RASGRF1: variants seen among roughly 807,000 people sequenced by gnomAD.
The protein encoded by RASGRF1 is ras-specific guanine nucleotide-releasing factor 1.
RASGRF1 carries 40 observed loss-of-function variants against 138.7 expected under a neutral mutation model. The ratio of observed to expected loss-of-function variants is 0.29; its 90% CI spans 0.22 to 0.38. RASGRF1 has a LOEUF of 0.38. RASGRF1 is among the 10% of genes least tolerant of loss of function. The pLI is 1.00. For synonymous variants in RASGRF1, 614 were observed against 663.2 expected, an observed-to-expected ratio of 0.93 and a Z score of 1.14; for missense variants, 1,108 against 1,650.4, an observed-to-expected ratio of 0.67 and a Z score of 5.69.
intron 13 of RASGRF1, chr15:79,012,522 GTCC>G (rs770637012): frequency 1.2e-6 from 2 of 1,613,688 alleles, no homozygotes; most frequent in Non-Finnish European, 1.7e-6. Flanking sequence ...CCCCTCCCTG[GTCC>G]TCCTGTGAAG....
At chr15:79,005,626 C>T (rs1220029100) in intron 14 of RASGRF1, 3 of 990,466 alleles carry the variant, frequency 3.0e-6, no homozygotes, top group East Asian at 2.2e-4. Context: ...GGCCTGCACT[C>T]CTTATGTTGA....
chr15:79,065,731 C>T (rs534789095), intron 1 of RASGRF1, among the ~76,000 whole-genome samples: 8 of 152,152 alleles, frequency 5.3e-5, no homozygotes, highest in East Asian at 3.9e-4. Context: ...GGATGCACCA[C>T]GGGCCAGCCA....
At chr15:79,082,413 ACCAGCCCAGGT>A (rs1394153920) in intron 1 of RASGRF1, among the ~76,000 whole-genome samples, 4 of 152,204 alleles carry the variant, frequency 2.6e-5, no homozygotes, top group Non-Finnish European at 5.9e-5. Context: ...CCAAGCCTCT[ACCAGCCCAGGT>A]CCCTGAGTGA....
chr15:79,082,620 C>T (rs1253223091), intron 1 of RASGRF1, among the ~76,000 whole-genome samples: 4 of 152,186 alleles, frequency 2.6e-5, no homozygotes, highest in African/African-American at 9.7e-5. Flanking sequence ...GTGATGCCAA[C>T]CTGGACCACA....
At chr15:79,016,602 T>C (rs562675125) in intron 12 of RASGRF1, among the ~76,000 whole-genome samples, 2 of 152,264 alleles carry the variant, frequency 1.3e-5, no homozygotes, top group African/African-American at 2.4e-5. Flanking sequence ...TGCGGCTCAC[T>C]GGGGATGTGA....
intron 22 of RASGRF1, among the ~76,000 whole-genome samples, chr15:78,989,156 C>T (rs1037215618): frequency 6.6e-6 from 1 of 152,134 alleles, no homozygotes; most frequent in African/African-American, 2.4e-5. Context: ...ACCTGTCTGC[C>T]CCCCAGTTCT....
intron 12 of RASGRF1, 141 bp downstream of exon 12, chr15:79,017,629 C>G (rs2056897656): frequency 8.8e-7 from 1 of 1,130,328 alleles, no homozygotes. Flanking sequence ...GGGCTGTGGA[C>G]TTGGAAGATT....
intron 1 of RASGRF1, among the ~76,000 whole-genome samples, chr15:79,081,574 T>C (rs1445012054): frequency 6.6e-6 from 1 of 152,140 alleles, no homozygotes; most frequent in African/African-American, 2.4e-5. Context: ...CTGCAACCTA[T>C]ATGCCCCTAA....
chr15:78,975,989 G>A (rs1002251004), intron 24 of RASGRF1, among the ~76,000 whole-genome samples: 2 of 152,184 alleles, frequency 1.3e-5, no homozygotes, highest in African/African-American at 2.4e-5. Context: ...ATGTGTGACA[G>A]TAGCCAGGTA....
intron 22 of RASGRF1, among the ~76,000 whole-genome samples, chr15:78,986,158 T>G (rs764572537): frequency 6.6e-6 from 1 of 152,012 alleles, no homozygotes; most frequent in Non-Finnish European, 1.5e-5. Flanking sequence ...CAGTAGAAGA[T>G]ATCTTCAAGG....
At chr15:79,080,891 C>T (rs1458300425) in intron 1 of RASGRF1, among the ~76,000 whole-genome samples, 2 of 152,298 alleles carry the variant, frequency 1.3e-5, no homozygotes, top group East Asian at 3.9e-4. Context: ...GAGCTCAGGG[C>T]CTGGCACAAA....
intron 20 of RASGRF1, among the ~76,000 whole-genome samples, chr15:78,993,215 G>A (rs555017471): frequency 2.2e-4 from 18 of 82,500 alleles, no homozygotes; most frequent in East Asian, 2.8e-4. Flanking sequence ...GTGTGTGTGC[G>A]TGTGCCTGTG....
At position 78,961,455 on chromosome 15, in the gene RASGRF1, A is replaced by G. The variant is rs973152647; in HGVS notation, c.*689T>C. ...CCTCGGGAAGTCTAGGGCCTCATCC[A>G]GTTGTATTGAGACTGCTATTCATGC... On this transcript the variant is annotated 3_prime_UTR_variant, in exon 27 of 27. Transcript: ENST00000558480. 1.3e-5 allele frequency: 2 copies of G among 152,148 alleles called. No individual in the cohort carries two copies. Among genetic ancestry groups the G allele is most frequent in the African/African-American group, 4.8e-5 (2 of 41,422 alleles). The allele number at this position is 152,148 out of a possible 1,614,324, so 9.4% of individuals were successfully genotyped here. A position where few individuals can be genotyped will look rare whatever the true frequency, so the allele number is the denominator to read the frequency against.
intron 9 of RASGRF1, among the ~76,000 whole-genome samples, chr15:79,026,504 G>C (rs2057056291): frequency 6.6e-6 from 1 of 152,176 alleles, no homozygotes; most frequent in African/African-American, 2.4e-5. Context: ...GCTTCCGGAG[G>C]GCAGGGCTGA....
chr15:78,980,820 A>G (rs2056010264), intron 23 of RASGRF1, 121 bp from the exon 24 acceptor site: 1 of 664,814 alleles, frequency 1.5e-6, no homozygotes, highest in African/African-American at 1.8e-5. Flanking sequence ...TTCCCTTGGG[A>G]TCTGGGGGCC....
intron 2 of RASGRF1, among the ~76,000 whole-genome samples, chr15:79,058,832 G>A (rs184340600): frequency 5.1e-4 from 78 of 152,356 alleles, no homozygotes; most frequent in Non-Finnish European, 1.5e-5. Flanking sequence ...TTGTGCTTCT[G>A]TGATGAAAAT....
chr15:79,074,053 C>T (rs568383812), intron 1 of RASGRF1, among the ~76,000 whole-genome samples: 2 of 152,368 alleles, frequency 1.3e-5, no homozygotes, highest in African/African-American at 4.8e-5. Flanking sequence ...CTCTGCTGGG[C>T]AGGAGCTGCC....
rs1162023471 is a variant in RASGRF1 at position 79,006,275 on chromosome 15, C to T, written c.1986G>A (p.Leu662=). Residue 662 remains leucine (L), a synonymous_variant, in exon 14 of 27, where the codon CTG becomes CTA. Transcript: ENST00000558480. This position sits in a 1 kb window ranked among gnomAD's most constrained non-coding sequence, Gnocchi z 4.0. ...FLSIDFLNTF[L]HSYRVFTTAI... ...CGGTGGTGAAGACGCGGTAGGAGTG[C>T]AGGAAGGTGTTGAGGAAGTCGATGC... The T allele has an allele frequency of 1.2e-6, 2 of 1,614,180 alleles. No homozygotes were observed. The highest frequency in any genetic ancestry group is 2.2e-5 in the East Asian group (1 of 44,888).
chr15:79,045,128 CACAG>C (rs1431610347), intron 5 of RASGRF1, among the ~76,000 whole-genome samples: 1 of 152,174 alleles, frequency 6.6e-6, no homozygotes, highest in Non-Finnish European at 1.5e-5. Flanking sequence ...TGGAGATAAA[CACAG>C]ACAGCCACCT....
Sources: gnomAD v4.1 joint callset for allele counts (sites outside exome capture counted in the v4.1 genomes callset) on GRCh38, gnomAD v4.1.1 for gene constraint, Gnocchi (gnomAD v3.1) non-coding constraint, MANE v1.5 for transcripts, NCBI Gene and HGNC (gene_info 2026-07-23, HGNC 2026-07-21) for gene names.